Variants in GPC6 observed in about 807,000 individuals in gnomAD.
GPC6 encodes glypican-6.
A neutral mutation model predicts 55.2 loss-of-function variants in GPC6; 14 were observed. The ratio of observed to expected loss-of-function variants is 0.25; its 90% CI spans 0.17 to 0.40. The LOEUF is 0.40. Among genes scored for constraint, GPC6 ranks in the 10% least tolerant of loss-of-function variants. GPC6 has a pLI of 1.00. For missense variants in GPC6, 641 were observed against 708.5 expected (o/e 0.90, Z 1.08); for synonymous variants, 278 against 259.6 (o/e 1.07, Z -0.68).
chr13:93,290,069 C>A (rs552332332), intron 1 of GPC6, among the ~76,000 whole-genome samples: 1 of 152,182 alleles, frequency 6.6e-6, no homozygotes, highest in South Asian at 2.1e-4. Context: ...AGTGTTTGGT[C>A]TGGGCTCTAA....
chr13:94,346,557 T>C (rs1878298684), intron 6 of GPC6, among the ~76,000 whole-genome samples: 1 of 151,798 alleles, frequency 6.6e-6, no homozygotes, highest in South Asian at 2.1e-4. Context: ...CCGTCTCTAC[T>C]AAAAATACAA....
chr13:94,256,759 T>A lies in GPC6; in HGVS notation c.878-29590T>A, dbSNP rs529282191. Among the ~76,000 whole-genome samples, 28 of 152,194 alleles carry A rather than the reference T, an allele frequency of 1.8e-4. No homozygotes were observed. The South Asian group carries it at 5.4e-3, about 29-fold the overall frequency. ...CAGGGCTGTGCAATCCTAATTCCCA[T>A]CTCCTCCCCAAATCCTTCCAGAGAC... On this transcript the variant is annotated intron_variant, in intron 4 of 8. Coordinates refer to ENST00000377047, the MANE Select transcript of GPC6 (RefSeq NM_005708.5).
chr13:93,585,451 CAGT>C (rs1877147158), intron 2 of GPC6, among the ~76,000 whole-genome samples: 1 of 152,170 alleles, frequency 6.6e-6, no homozygotes, highest in South Asian at 2.1e-4. Flanking sequence ...CCTACCATTT[CAGT>C]AGATCAACAG....
At chr13:94,046,543 C>T (rs1883738448) in intron 4 of GPC6, among the ~76,000 whole-genome samples, 1 of 152,052 alleles carries the variant, frequency 6.6e-6, no homozygotes, top group African/African-American at 2.4e-5. Context: ...ACTAATCTGA[C>T]TAAATGTAAT....
At chr13:94,296,043 T>G (rs1875316417) in intron 5 of GPC6, among the ~76,000 whole-genome samples, 1 of 152,058 alleles carries the variant, frequency 6.6e-6, no homozygotes, top group African/African-American at 2.4e-5. Context: ...CTATTCCTGC[T>G]TGTAATATTG....
intron 1 of GPC6, among the ~76,000 whole-genome samples, chr13:93,454,991 T>C (rs868045620): frequency 3.2e-4 from 49 of 152,202 alleles, no homozygotes; most frequent in African/African-American, 1.1e-3. Context: ...TTGGCACTGC[T>C]GGGGGACCCA....
At chr13:93,366,494 C>A (rs1395160296) in intron 1 of GPC6, among the ~76,000 whole-genome samples, 1 of 152,016 alleles carries the variant, frequency 6.6e-6, no homozygotes, top group Non-Finnish European at 1.5e-5. Context: ...AATTTCCTTT[C>A]TAGAAGTTAT....
intron 2 of GPC6, among the ~76,000 whole-genome samples, chr13:93,682,438 G>A (rs1225452180): frequency 6.6e-6 from 1 of 152,116 alleles, no homozygotes; most frequent in Non-Finnish European, 1.5e-5. Flanking sequence ...TGCCCTGAAG[G>A]TGCTGTCAGG....
At chr13:93,369,971 T>C (rs1881393277) in intron 1 of GPC6, among the ~76,000 whole-genome samples, 1 of 152,124 alleles carries the variant, frequency 6.6e-6, no homozygotes, top group African/African-American at 2.4e-5. Context: ...AAAATGCCAA[T>C]AGACATCCCC....
intron 2 of GPC6, among the ~76,000 whole-genome samples, chr13:93,627,042 A>G (rs998232257): frequency 4.1e-4 from 62 of 152,150 alleles, no homozygotes; most frequent in Admixed American, 2.2e-3. Flanking sequence ...TCTGGGGTAC[A>G]TGTGCAGAAC....
At chr13:93,724,044 G>C (rs1330559097) in intron 2 of GPC6, among the ~76,000 whole-genome samples, 1 of 151,950 alleles carries the variant, frequency 6.6e-6, no homozygotes, top group Non-Finnish European at 1.5e-5. Flanking sequence ...AAAATTAAAA[G>C]AGGATTTTTA....
chr13:93,442,536 T>C (rs146794416), intron 1 of GPC6, among the ~76,000 whole-genome samples: 1 of 152,304 alleles, frequency 6.6e-6, no homozygotes, highest in African/African-American at 2.4e-5. Flanking sequence ...AAATAAATTC[T>C]AAGGAAGCAT....
At chr13:94,143,020 G>T (rs1227414791) in intron 4 of GPC6, among the ~76,000 whole-genome samples, 1 of 151,616 alleles carries the variant, frequency 6.6e-6, no homozygotes, top group East Asian at 1.9e-4. Flanking sequence ...GTAGAGACGG[G>T]TTCACCATGT....
intron 5 of GPC6, among the ~76,000 whole-genome samples, chr13:94,295,274 C>T (rs1566645201): frequency 6.6e-6 from 1 of 152,088 alleles, no homozygotes; most frequent in Non-Finnish European, 1.5e-5. Context: ...TGATATAATC[C>T]ATGTAAAATG....
chr13:93,758,833 A>AT (rs1382166867), intron 2 of GPC6, among the ~76,000 whole-genome samples: 2 of 151,942 alleles, frequency 1.3e-5, no homozygotes, highest in Non-Finnish European at 1.5e-5. Context: ...ATGTGTCATC[A>AT]TTTTCTAATT....
At chr13:94,098,735 A>G (rs1005991288) in intron 4 of GPC6, among the ~76,000 whole-genome samples, 3 of 152,144 alleles carry the variant, frequency 2.0e-5, no homozygotes, top group Non-Finnish European at 2.9e-5. Context: ...CTGATTTCCT[A>G]AGAGGCAGGT....
intron 2 of GPC6, among the ~76,000 whole-genome samples, chr13:93,557,293 C>T (rs908822074): frequency 6.6e-5 from 10 of 152,032 alleles, no homozygotes; most frequent in Non-Finnish European, 1.2e-4. Flanking sequence ...AGTACAACTT[C>T]GGACTGCTTT....
At chr13:93,566,955 A>G (rs1319690993) in intron 2 of GPC6, among the ~76,000 whole-genome samples, 1 of 152,076 alleles carries the variant, frequency 6.6e-6, no homozygotes, top group Non-Finnish European at 1.5e-5. Flanking sequence ...TTCTTTATCC[A>G]GTCTATCATT....
chr13:93,804,686 A>G (rs2892667), intron 2 of GPC6, among the ~76,000 whole-genome samples: 56,882 of 151,928 alleles, frequency 0.37, 11,471 homozygotes, highest in African/African-American at 0.52. Context: ...GGGGTTAGAT[A>G]TACAAATTCT....
Sources: allele counts gnomAD v4.1 joint callset (sites outside exome capture counted in the v4.1 genomes callset), GRCh38; gene constraint gnomAD v4.1.1; transcripts MANE v1.5; gene names NCBI Gene and HGNC (gene_info 2026-07-23, HGNC 2026-07-21).